PARP8: variants seen among roughly 807,000 people sequenced by gnomAD.
PARP8 encodes poly(ADP-ribose) polymerase family member 8.
A neutral mutation model predicts 124.1 loss-of-function variants in PARP8; 51 were observed. The observed-to-expected ratio is 0.41, with a 90% CI of 0.33 to 0.52. The LOEUF is 0.52. Ranked by LOEUF, PARP8 falls within the 20% of genes least tolerant of loss-of-function variation. PARP8 has a pLI of 0.21. For synonymous variants in PARP8, 391 were observed against 361.5 expected, an observed-to-expected ratio of 1.08 and a Z score of -0.93; for missense variants, 860 against 1,018.9, an observed-to-expected ratio of 0.84 and a Z score of 2.12.
At chr5:50,785,698 G>A (rs1471641336) in intron 9 of PARP8, among the ~76,000 whole-genome samples, 13 of 152,130 alleles carry the variant, frequency 8.5e-5, no homozygotes, top group African/African-American at 2.4e-4. Context: ...CTTAGGAAAC[G>A]AACTAATTTT....
In PARP8 at chr5:50,846,202, A is replaced by T. The variant is rs776952604; in HGVS notation, c.*4134A>T. 1 of 151,822 alleles carries T rather than the reference A, an allele frequency of 6.6e-6. No homozygotes were observed. The highest frequency in any genetic ancestry group is 2.4e-5 in the African/African-American group (1 of 41,416). 9.4% of individuals were successfully genotyped at this position (151,822 alleles called of 1,614,324 possible). ...TTTTTAAAAATGCATCCGCTCCATT[A>T]TGTAAACATTAAGATATGCCTATGT... On this transcript the variant is annotated 3_prime_UTR_variant, in exon 26 of 26. Coordinates refer to ENST00000281631, the MANE Select transcript of PARP8 (RefSeq NM_024615.4).
chr5:50,813,376 T>C (rs1744702974), intron 14 of PARP8, among the ~76,000 whole-genome samples: 1 of 141,726 alleles, frequency 7.1e-6, no homozygotes, highest in African/African-American at 2.4e-5. Flanking sequence ...AGTTCACTCA[T>C]GATTTGGCTC....
chr5:50,696,672 T>C (rs950681870), intron 2 of PARP8, among the ~76,000 whole-genome samples: 3 of 152,186 alleles, frequency 2.0e-5, no homozygotes, highest in Non-Finnish European at 2.9e-5. Context: ...TTTTTTTCCT[T>C]TGACTTAACT....
chr5:50,739,112 A>G (rs1757765091), intron 2 of PARP8: 2 of 702,126 alleles, frequency 2.8e-6, no homozygotes, highest in South Asian at 1.5e-5. Flanking sequence ...CCCAAGCTCT[A>G]CTCTGAATGG....
intron 2 of PARP8, among the ~76,000 whole-genome samples, chr5:50,733,871 T>C (rs188267513): frequency 6.6e-6 from 1 of 152,296 alleles, no homozygotes; most frequent in East Asian, 1.9e-4. Context: ...TCCTTAAATC[T>C]CTACTACTTA....
intron 2 of PARP8, among the ~76,000 whole-genome samples, chr5:50,726,514 G>A (rs1756447002): frequency 6.6e-6 from 1 of 152,122 alleles, no homozygotes; most frequent in Non-Finnish European, 1.5e-5. Context: ...CCACTGTAAA[G>A]CATATTGTAT....
chr5:50,698,492 A>G (rs1753260998), intron 2 of PARP8, among the ~76,000 whole-genome samples: 2 of 152,190 alleles, frequency 1.3e-5, no homozygotes. Context: ...TTACTGTGAT[A>G]AAATGACCCT....
At chr5:50,703,645 C>T (rs1228054518) in intron 2 of PARP8, among the ~76,000 whole-genome samples, 1 of 152,150 alleles carries the variant, frequency 6.6e-6, no homozygotes, top group Non-Finnish European at 1.5e-5. Flanking sequence ...GTGTTCTCTA[C>T]TGTTTTAATA....
intron 3 of PARP8, among the ~76,000 whole-genome samples, chr5:50,754,124 T>TATATATATATATATATATAC (rs1759572560): frequency 1.5e-4 from 1 of 6,834 alleles, no homozygotes; most frequent in Admixed American, 1.4e-3. Flanking sequence ...TTCATATATA[T>TATATATATATATATATATAC]ATATATATAT....
intron 18 of PARP8, 101 bp from the exon 19 acceptor site, chr5:50,826,654 A>G: frequency 7.2e-7 from 1 of 1,395,230 alleles, no homozygotes. Context: ...AGTTTAGTTT[A>G]TGGCACAGCA....
intron 2 of PARP8, among the ~76,000 whole-genome samples, chr5:50,720,546 G>A (rs1405626301): frequency 6.6e-6 from 1 of 151,962 alleles, no homozygotes; most frequent in Non-Finnish European, 1.5e-5. Flanking sequence ...CCTCTGAAAG[G>A]AAGATCCCAG....
At chr5:50,684,283 T>G (rs1456663414) in intron 2 of PARP8, among the ~76,000 whole-genome samples, 1 of 152,130 alleles carries the variant, frequency 6.6e-6, no homozygotes, top group Non-Finnish European at 1.5e-5. Context: ...CAGTTTGGGT[T>G]TGTGCTTTTG....
intron 25 of PARP8, 122 bp downstream of exon 25, chr5:50,835,137 A>G (rs1296670285): frequency 7.1e-6 from 5 of 699,634 alleles, no homozygotes; most frequent in South Asian, 1.9e-5. Context: ...TTTAACATCA[A>G]CTAATGTTTT....
intron 14 of PARP8, among the ~76,000 whole-genome samples, chr5:50,812,919 TTTCTG>T (rs1269246665): frequency 6.6e-6 from 1 of 152,164 alleles, no homozygotes; most frequent in Non-Finnish European, 1.5e-5. Context: ...TGTGGTATTA[TTTCTG>T]AGGGCTCTGT....
chr5:50,695,692 TAAC>T (rs977686719), intron 2 of PARP8, among the ~76,000 whole-genome samples: 2 of 152,022 alleles, frequency 1.3e-5, no homozygotes, highest in African/African-American at 4.8e-5. Flanking sequence ...TTTTTTCTAA[TAAC>T]AAATTATTTG....
At chr5:50,762,493 A>G (rs1482674049) in intron 6 of PARP8, among the ~76,000 whole-genome samples, 1 of 152,192 alleles carries the variant, frequency 6.6e-6, no homozygotes, top group Non-Finnish European at 1.5e-5. Context: ...GTGTGGCTGT[A>G]TAATATGTGG....
chr5:50,800,273 T>C (rs1261913562), intron 14 of PARP8, among the ~76,000 whole-genome samples: 1 of 152,236 alleles, frequency 6.6e-6, no homozygotes, highest in African/African-American at 2.4e-5. Context: ...TATTTTTGCA[T>C]GTTAATCTTT....
At chr5:50,672,742 G>A (rs1302220331) in intron 2 of PARP8, among the ~76,000 whole-genome samples, 3 of 152,166 alleles carry the variant, frequency 2.0e-5, no homozygotes, top group African/African-American at 7.2e-5. Flanking sequence ...GGCCCGCAGT[G>A]TGTAATTCCA....
chr5:50,758,894 C>G (rs751730614), intron 3 of PARP8, among the ~76,000 whole-genome samples: 6 of 151,924 alleles, frequency 3.9e-5, no homozygotes, highest in Admixed American at 3.9e-4. Flanking sequence ...ATTTAAGGAC[C>G]CTGTAGACTA....
Sources: allele counts gnomAD v4.1 joint callset (sites outside exome capture counted in the v4.1 genomes callset), GRCh38; gene constraint gnomAD v4.1.1; transcripts MANE v1.5; gene names NCBI Gene and HGNC (gene_info 2026-07-23, HGNC 2026-07-21).